The following PIP5K1B variants were observed in gnomAD, a reference collection of about 807,000 sequenced individuals.
PIP5K1B encodes the protein phosphatidylinositol-4-phosphate 5-kinase type 1 beta, also known as phosphatidylinositol 4-phosphate 5-kinase type-1 beta.
Under a neutral mutation model 67.0 loss-of-function variants are expected in PIP5K1B, and 42 were observed. The observed-to-expected ratio is 0.63, with a 90% CI of 0.49 to 0.81. The LOEUF (loss-of-function observed/expected upper bound fraction) is 0.81. Ranked by LOEUF, PIP5K1B falls within the 30% of genes least tolerant of loss-of-function variation. The pLI, the probability that PIP5K1B is intolerant of heterozygous loss-of-function variation, is 0.00. For missense variants in PIP5K1B, 459 were observed against 646.3 expected, an observed-to-expected ratio of 0.71 and a Z score of 3.14; for synonymous variants, 214 against 231.4, an observed-to-expected ratio of 0.92 and a Z score of 0.68.
At chr9:68,711,967 C>G (rs1395788292) in intron 1 of PIP5K1B, among the ~76,000 whole-genome samples, 1 of 152,170 alleles carries the variant, frequency 6.6e-6, no homozygotes, top group South Asian at 2.1e-4. Flanking sequence ...AGGAGACCTT[C>G]TCCATATGTT....
intron 4 of PIP5K1B, among the ~76,000 whole-genome samples, chr9:68,827,056 A>G (rs1834025409): frequency 6.6e-6 from 1 of 152,146 alleles, no homozygotes; most frequent in East Asian, 1.9e-4. Context: ...CCGGCCAAAA[A>G]TTCCACTTTT....
At chr9:68,982,454 T>C (rs1281166443) in intron 14 of PIP5K1B, among the ~76,000 whole-genome samples, 1 of 152,182 alleles carries the variant, frequency 6.6e-6, no homozygotes, top group East Asian at 1.9e-4. Context: ...ATGAAAATCC[T>C]TTTTTTAAAT....
intron 8 of PIP5K1B, among the ~76,000 whole-genome samples, chr9:68,911,171 C>T (rs111283144): frequency 0.015 from 2,285 of 151,732 alleles, 52 homozygotes; most frequent in African/African-American, 0.05. Flanking sequence ...GTCAGGAGTT[C>T]GAGACCAGCC....
chr9:68,921,668 T>C (rs1043270788), intron 11 of PIP5K1B, among the ~76,000 whole-genome samples: 1 of 152,092 alleles, frequency 6.6e-6, no homozygotes, highest in Non-Finnish European at 1.5e-5. Flanking sequence ...CTGGCTAACA[T>C]GGTGAAACCC....
intron 12 of PIP5K1B, among the ~76,000 whole-genome samples, chr9:68,931,725 G>T (rs1046178535): frequency 6.6e-6 from 1 of 152,220 alleles, no homozygotes; most frequent in Non-Finnish European, 1.5e-5. Flanking sequence ...TGGCAGAAGG[G>T]TGAGCTGAAA....
At chr9:68,889,660 G>A (rs534627197) in intron 7 of PIP5K1B, among the ~76,000 whole-genome samples, 41 of 151,468 alleles carry the variant, frequency 2.7e-4, no homozygotes, top group Non-Finnish European at 4.9e-4. Context: ...GCATGAACCC[G>A]GGAGGCGGAG....
intron 14 of PIP5K1B, among the ~76,000 whole-genome samples, chr9:68,950,737 G>A (rs938642978): frequency 6.6e-6 from 1 of 152,198 alleles, no homozygotes; most frequent in Non-Finnish European, 1.5e-5. Context: ...CAAACATACA[G>A]GAAGAGTAAC....
At chr9:68,852,130 G>A (rs1822522163) in intron 4 of PIP5K1B, among the ~76,000 whole-genome samples, 2 of 152,114 alleles carry the variant, frequency 1.3e-5, no homozygotes, top group Admixed American at 1.3e-4. Flanking sequence ...TTAAAACCTA[G>A]ATGACAGGTT....
intron 15 of PIP5K1B, among the ~76,000 whole-genome samples, chr9:69,004,330 TGTG>T (rs1156290276): frequency 1.5e-4 from 14 of 93,504 alleles, no homozygotes. Context: ...CGTGTGTGTG[TGTG>T]TTTTTGTGTG....
chr9:68,812,183 A>G (rs1386228900), intron 2 of PIP5K1B, among the ~76,000 whole-genome samples: 2 of 152,270 alleles, frequency 1.3e-5, no homozygotes, highest in Non-Finnish European at 2.9e-5. Context: ...TTTATAGGAC[A>G]CTTACAAGTG....
At chr9:68,838,342 TA>T (rs1821741739) in intron 4 of PIP5K1B, among the ~76,000 whole-genome samples, 1 of 152,248 alleles carries the variant, frequency 6.6e-6, no homozygotes. Flanking sequence ...ATTCTTGTGA[TA>T]ACAGCACAGC....
At chr9:68,887,690 A>G (rs1376809358) in intron 6 of PIP5K1B, among the ~76,000 whole-genome samples, 4 of 152,354 alleles carry the variant, frequency 2.6e-5, no homozygotes, top group Admixed American at 1.3e-4. Context: ...GAAGCTTGCC[A>G]TAACAATCCA....
chr9:68,998,386 G>A (rs1035772950), intron 15 of PIP5K1B, among the ~76,000 whole-genome samples: 13 of 152,186 alleles, frequency 8.5e-5, no homozygotes, highest in Non-Finnish European at 1.9e-4. Context: ...TTCTGCTCCA[G>A]TTTGCCTGGG....
intron 12 of PIP5K1B, among the ~76,000 whole-genome samples, chr9:68,933,144 G>A (rs1827086174): frequency 6.6e-6 from 1 of 151,606 alleles, no homozygotes; most frequent in South Asian, 2.1e-4. Flanking sequence ...ATACTATATT[G>A]AAAGACAGGA....
chr9:68,789,944 A>AT (rs1831865396), intron 2 of PIP5K1B, among the ~76,000 whole-genome samples: 1 of 152,014 alleles, frequency 6.6e-6, no homozygotes, highest in African/African-American at 2.4e-5. Flanking sequence ...CAAATTTTGG[A>AT]TTTTTTTGTT....
At chr9:68,787,347 G>A (rs189993497) in intron 2 of PIP5K1B, among the ~76,000 whole-genome samples, 78 of 152,186 alleles carry the variant, frequency 5.1e-4, no homozygotes, top group Non-Finnish European at 8.4e-4. Flanking sequence ...ATTCTACTAG[G>A]GTTTTCATGT....
At chr9:68,751,935 A>T (rs1044381529) in intron 2 of PIP5K1B, among the ~76,000 whole-genome samples, 2 of 152,234 alleles carry the variant, frequency 1.3e-5, no homozygotes, top group African/African-American at 4.8e-5. Flanking sequence ...CTAGACCTCA[A>T]GCTCAGATTC....
intron 8 of PIP5K1B, among the ~76,000 whole-genome samples, chr9:68,895,330 T>A (rs1281258466): frequency 6.7e-6 from 1 of 148,682 alleles, no homozygotes; most frequent in Non-Finnish European, 1.5e-5. Flanking sequence ...GAGATAAAAA[T>A]TTTTTTAGAG....
chr9:68,837,099 G>A (rs1312831096), intron 4 of PIP5K1B, among the ~76,000 whole-genome samples: 1 of 152,236 alleles, frequency 6.6e-6, no homozygotes, highest in Non-Finnish European at 1.5e-5. Context: ...GCCTGGAACA[G>A]TATCTTTGTT....
Sources: gnomAD v4.1 joint callset for allele counts (sites outside exome capture counted in the v4.1 genomes callset) on GRCh38, gnomAD v4.1.1 for gene constraint, MANE v1.5 for transcripts, NCBI Gene and HGNC (gene_info 2026-07-23, HGNC 2026-07-21) for gene names.